The following SNTG1 variants were observed in gnomAD, a reference collection of about 807,000 sequenced individuals.
SNTG1 encodes gamma-1-syntrophin.
A neutral mutation model predicts 74.7 loss-of-function variants in SNTG1; 39 were observed. That is an observed-to-expected ratio of 0.52 (90% CI 0.40 to 0.68). The LOEUF (loss-of-function observed/expected upper bound fraction) is 0.68. Ranked by LOEUF, SNTG1 falls within the 30% of genes least tolerant of loss-of-function variation. The pLI, the probability that SNTG1 is intolerant of heterozygous loss-of-function variation, is 0.00. For synonymous variants in SNTG1, 254 were observed against 217.1 expected, an observed-to-expected ratio of 1.17 and a Z score of -1.49; for missense variants, 685 against 609.5, an observed-to-expected ratio of 1.12 and a Z score of -1.30.
chr8:50,381,352 A>G (rs893351174), intron 2 of SNTG1, among the ~76,000 whole-genome samples: 2 of 151,792 alleles, frequency 1.3e-5, no homozygotes, highest in Non-Finnish European at 2.9e-5. Context: ...AGTACAAATC[A>G]ATTACTTTTA....
rs1285426079 is a variant in SNTG1, at chr8:50,600,478, G to A, written c.849+9561G>A. Among the ~76,000 whole-genome samples the A allele has an allele frequency of 4.1e-5, 3 of 72,356 alleles. No individual in the cohort carries two copies. The South Asian group carries it at 1.1e-3, about 26-fold the overall frequency. 47.5% of individuals were successfully genotyped at this position (72,356 alleles called of 152,430 possible). A position where few individuals can be genotyped will look rare whatever the true frequency, so the allele number is the denominator to read the frequency against. On this transcript the variant is annotated intron_variant, in intron 13 of 18. Coordinates refer to ENST00000642720, the MANE Select transcript of SNTG1 (RefSeq NM_018967.5). ...GCTCCAATCTCCTTCTTTGTGATTG[G>A]TATGGTTTGGTATTGGATTCTTCCT...
In SNTG1 at chr8:50,751,267, A is replaced by T. The variant is rs970610401; in HGVS notation, c.1285-734A>T. The stretch of plus-strand genomic sequence containing the variant: ...ATATCTTTGGTGTTTTACTTTGGAC[A>T]TGCATGTTTTTAGTTTCAGGACATA... On this transcript the variant is annotated intron_variant, in intron 17 of 18. Transcript: ENST00000642720. Among the ~76,000 whole-genome samples the T allele has an allele frequency of 2.0e-5, 3 of 151,966 alleles. No individual in the cohort carries two copies. The East Asian group carries it at 5.8e-4, about 30-fold the overall frequency.
chr8:50,683,553 C>A (rs1327017797), intron 15 of SNTG1, among the ~76,000 whole-genome samples: 2 of 152,084 alleles, frequency 1.3e-5, no homozygotes, highest in Non-Finnish European at 2.9e-5. Context: ...TGCCAGATAC[C>A]ATTTCCCACA....
intron 2 of SNTG1, among the ~76,000 whole-genome samples, chr8:50,174,699 G>T (rs964607308): frequency 6.6e-5 from 10 of 152,066 alleles, no homozygotes; most frequent in African/African-American, 2.4e-4. Flanking sequence ...GAGGAAAAAA[G>T]AAGCATTTTT....
At chr8:50,735,595 C>A (rs924376004) in intron 17 of SNTG1, among the ~76,000 whole-genome samples, 2 of 151,862 alleles carry the variant, frequency 1.3e-5, no homozygotes, top group Non-Finnish European at 2.9e-5. Context: ...AAGGAATGAT[C>A]GAAGCCTCCA....
rs545490320 is a variant in SNTG1, at chr8:50,639,657, TC to T, written c.850-17251del. 1.5e-3 allele frequency among the ~76,000 whole-genome samples: 227 copies of T among 152,154 alleles called. 1 individual carries two copies. Among genetic ancestry groups the T allele is most frequent in the Non-Finnish European group, 2.7e-3 (185 of 67,930 alleles). ...ACAGAAAAAAATATTAAATTACACCTCTGCTACAATAATGTACATTTTAAAA... is the reference window on the plus strand; with the variant it reads ...ACAGAAAAAAATATTAAATTACACCTTGCTACAATAATGTACATTTTAAAA... On this transcript the variant is annotated intron_variant, in intron 13 of 18. Transcript: ENST00000642720.
intron 2 of SNTG1, among the ~76,000 whole-genome samples, chr8:50,234,967 T>A (rs575112073): frequency 6.6e-6 from 1 of 152,104 alleles, no homozygotes; most frequent in South Asian, 2.1e-4. Flanking sequence ...ACAAAATCAG[T>A]GTGAGGAAAG....
chr8:50,007,347 T>C (rs1815338059), intron 1 of SNTG1, among the ~76,000 whole-genome samples: 3 of 152,096 alleles, frequency 2.0e-5, no homozygotes, highest in African/African-American at 4.8e-5. Context: ...CCTTGGGTCG[T>C]CTTTCATTTT....
At chr8:50,266,889 T>G (rs183850596) in intron 2 of SNTG1, among the ~76,000 whole-genome samples, 1 of 151,864 alleles carries the variant, frequency 6.6e-6, no homozygotes, top group African/African-American at 2.4e-5. Flanking sequence ...CTGAAGCCAC[T>G]CCCCTTGGGT....
At chr8:50,480,501 A>T (rs1229672761) in intron 8 of SNTG1, among the ~76,000 whole-genome samples, 2 of 152,338 alleles carry the variant, frequency 1.3e-5, no homozygotes, top group South Asian at 4.1e-4. Flanking sequence ...AGGCTAATTA[A>T]CAAGCTCCCG....
intron 12 of SNTG1, among the ~76,000 whole-genome samples, chr8:50,554,344 C>G (rs4873464): frequency 0.84 from 127,845 of 152,112 alleles, 53,867 homozygotes; most frequent in East Asian, 0.93. Context: ...ATTGGCTGTG[C>G]AATTTACCCC....
At chr8:50,556,913 A>G (rs1346247499) in intron 12 of SNTG1, among the ~76,000 whole-genome samples, 2 of 152,136 alleles carry the variant, frequency 1.3e-5, no homozygotes, top group African/African-American at 4.8e-5. Flanking sequence ...CACTAATCAC[A>G]TGCTGAGGAC....
chr8:50,123,558 T>TA (rs1324659601), intron 1 of SNTG1, among the ~76,000 whole-genome samples: 11 of 142,954 alleles, frequency 7.7e-5, no homozygotes, highest in African/African-American at 2.8e-4. Context: ...ATATGCATTA[T>TA]AAAAGATGAA....
intron 15 of SNTG1, among the ~76,000 whole-genome samples, chr8:50,682,323 G>A (rs1041534532): frequency 6.6e-6 from 1 of 151,946 alleles, no homozygotes; most frequent in Admixed American, 6.6e-5. Context: ...AAGCTGGAGT[G>A]GCGGGGTGGG....
chr8:50,349,044 T>A (rs1042634089), intron 2 of SNTG1, among the ~76,000 whole-genome samples: 8 of 152,352 alleles, frequency 5.3e-5, no homozygotes, highest in Non-Finnish European at 1.0e-4. Context: ...TTCAAGAATA[T>A]GAAGAATCCC....
intron 4 of SNTG1, among the ~76,000 whole-genome samples, chr8:50,421,302 G>A (rs561662632): frequency 3.9e-5 from 6 of 152,192 alleles, no homozygotes; most frequent in African/African-American, 1.2e-4. Flanking sequence ...GCTGCTAGTG[G>A]CCCATATTTA....
At chr8:49,944,878 C>A (rs1809031827) in intron 1 of SNTG1, among the ~76,000 whole-genome samples, 1 of 152,022 alleles carries the variant, frequency 6.6e-6, no homozygotes, top group African/African-American at 2.4e-5. Context: ...ACCTTCATCT[C>A]CCGGGCTCAA....
At chr8:50,552,209 C>A (rs2094431112) in intron 11 of SNTG1, among the ~76,000 whole-genome samples, 1 of 152,134 alleles carries the variant, frequency 6.6e-6, no homozygotes, top group African/African-American at 2.4e-5. Context: ...AGTTTCCATC[C>A]ATTTTGGGAT....
chr8:50,570,150 CA>C lies in SNTG1; in HGVS notation c.810+16975del, dbSNP rs566460751. 3.0e-3 allele frequency among the ~76,000 whole-genome samples: 456 copies of C among 151,766 alleles called. 2 individuals carry two copies. Among genetic ancestry groups the C allele is most frequent in the Non-Finnish European group, 4.7e-3 (317 of 67,914 alleles). The stretch of plus-strand genomic sequence containing the variant: ...CAGCTGATTTTTATTTACCACAACC[CA>C]AAACATCTGCGTTGATTTCCTCTCC... On this transcript the variant is annotated intron_variant, in intron 12 of 18. Transcript: ENST00000642720.
Sources: gnomAD v4.1 joint callset for allele counts (sites outside exome capture counted in the v4.1 genomes callset) on GRCh38, gnomAD v4.1.1 for gene constraint, MANE v1.5 for transcripts, NCBI Gene and HGNC (gene_info 2026-07-23, HGNC 2026-07-21) for gene names.